Variants in BICRAL observed in about 807,000 individuals in gnomAD.
The protein encoded by BICRAL is BRD4-interacting chromatin-remodeling complex-associated protein-like.
Under a neutral mutation model 91.8 loss-of-function variants are expected in BICRAL, and 8 were observed. The ratio of observed to expected loss-of-function variants is 0.09; its 90% CI spans 0.05 to 0.16. The LOEUF (loss-of-function observed/expected upper bound fraction) is 0.16. Among genes scored for constraint, BICRAL ranks in the 10% least tolerant of loss-of-function variants. The probability of loss-of-function intolerance (pLI) is 1.00; values close to 1 mark genes in which losing one functional copy is unlikely to be tolerated. For synonymous variants in BICRAL, 445 were observed against 491.1 expected (o/e 0.91, Z 1.24); for missense variants, 1,038 against 1,310.9 (o/e 0.79, Z 3.21).
intron 1 of BICRAL, among the ~76,000 whole-genome samples, chr6:42,808,601 G>A (rs772401781): frequency 1.3e-4 from 20 of 152,190 alleles, no homozygotes; most frequent in Non-Finnish European, 2.9e-4. Context: ...GAGTTTGGGA[G>A]CTGGTTAAGT....
intron 9 of BICRAL, among the ~76,000 whole-genome samples, chr6:42,856,391 T>C (rs1263329248): frequency 4.5e-5 from 6 of 132,412 alleles, no homozygotes; most frequent in South Asian, 2.5e-4. Flanking sequence ...TTTTTTTTTT[T>C]TGAGACAGAG....
chr6:42,798,878 A>G (rs1763490396), intron 1 of BICRAL, among the ~76,000 whole-genome samples: 1 of 152,248 alleles, frequency 6.6e-6, no homozygotes, highest in Non-Finnish European at 1.5e-5. Flanking sequence ...TACAATATCT[A>G]ATACAATGTA....
intron 8 of BICRAL, among the ~76,000 whole-genome samples, chr6:42,855,571 A>G (rs1581635414): frequency 1.3e-5 from 2 of 151,726 alleles, no homozygotes; most frequent in African/African-American, 4.8e-5. Context: ...GATGATGATG[A>G]TGGTGCATTT....
chr6:42,849,328 C>T (rs1313162824), intron 6 of BICRAL, among the ~76,000 whole-genome samples: 2 of 152,150 alleles, frequency 1.3e-5, no homozygotes, highest in African/African-American at 4.8e-5. Flanking sequence ...TCAAGTGATC[C>T]TCCCACCTCA....
chr6:42,798,146 A>C (rs9367164), intron 1 of BICRAL, among the ~76,000 whole-genome samples: 1 of 151,416 alleles, frequency 6.6e-6, no homozygotes, highest in Non-Finnish European at 1.5e-5. Flanking sequence ...AATGGTACGC[A>C]TGGACATAAA....
intron 9 of BICRAL, among the ~76,000 whole-genome samples, chr6:42,856,547 G>T (rs967492846): frequency 6.6e-6 from 1 of 151,336 alleles, no homozygotes; most frequent in Non-Finnish European, 1.5e-5. Context: ...GCTAATTTTT[G>T]TATTTTTGTA....
At chr6:42,821,716 T>TTA in intron 2 of BICRAL, among the ~76,000 whole-genome samples, 1 of 152,208 alleles carries the variant, frequency 6.6e-6, no homozygotes, top group Non-Finnish European at 1.5e-5. Context: ...TGTTCATGGT[T>TTA]TATAGCCCCT....
intron 1 of BICRAL, among the ~76,000 whole-genome samples, chr6:42,788,868 C>T (rs1333385088): frequency 6.6e-6 from 1 of 152,068 alleles, no homozygotes; most frequent in Non-Finnish European, 1.5e-5. Context: ...AAGGTGAAAC[C>T]AGTCAGCTGA....
At chr6:42,833,604 T>C (rs1004467332) in intron 6 of BICRAL, among the ~76,000 whole-genome samples, 2 of 151,128 alleles carry the variant, frequency 1.3e-5, no homozygotes, top group South Asian at 2.1e-4. Flanking sequence ...CCTGCCACCA[T>C]ACCCTGCTAA....
chr6:42,821,330 G>A (rs1375510660), intron 2 of BICRAL: 5 of 152,442 alleles, frequency 3.3e-5, no homozygotes, highest in Admixed American at 6.5e-5. Flanking sequence ...GTGGGGGAGA[G>A]AGGGATCTCG....
At position 42,865,046 on chromosome 6, in the gene BICRAL, C is replaced by T. The variant is rs149708370; in HGVS notation, c.2840C>T (p.Ser947Leu). 33 of 1,614,058 alleles carry T rather than the reference C, an allele frequency of 2.0e-5. No homozygotes were observed. The highest frequency in any genetic ancestry group is 2.0e-4 in the African/African-American group (15 of 75,046). The change falls in exon 13 of 13, where the codon TCG becomes TTG. Residue 947 changes from serine to leucine, a missense_variant. Physicochemically the swap from Ser to Leu is moderately radical, Grantham distance 145. This residue lies in a region of BICRAL where 294 missense variants were observed against 292.6 expected (regional missense o/e 1.00). Transcript: ENST00000314073. Reference protein sequence around the residue: ...PEGHRKTSSRSDHGTESKLSS... With the variant: ...PEGHRKTSSRLDHGTESKLSS... ...GGGCACCGGAAAACCTCATCCAGAT[C>T]GGATCATGGTACTGAGAGCAAACTG... is the stretch of plus-strand genomic sequence containing the variant.
chr6:42,769,201 AG>A (rs1228256487), intron 1 of BICRAL, among the ~76,000 whole-genome samples: 1 of 152,210 alleles, frequency 6.6e-6, no homozygotes, highest in African/African-American at 2.4e-5. Context: ...TGTGAAGGGT[AG>A]GCTGGGGATG....
At chr6:42,845,612 T>C (rs1166552388) in intron 6 of BICRAL, among the ~76,000 whole-genome samples, 1 of 152,002 alleles carries the variant, frequency 6.6e-6, no homozygotes, top group African/African-American at 2.4e-5. Context: ...GCCTTTTAGC[T>C]CTCCTTCATT....
At chr6:42,769,457 G>A (rs1308042897) in intron 1 of BICRAL, among the ~76,000 whole-genome samples, 1 of 152,210 alleles carries the variant, frequency 6.6e-6, no homozygotes, top group African/African-American at 2.4e-5. Flanking sequence ...GAGGGAGGAT[G>A]CACAAAGGTG....
In BICRAL at chr6:42,808,663, A is replaced by G. The variant is rs576192375; in HGVS notation, c.-101-1643A>G. 1.6e-3 allele frequency among the ~76,000 whole-genome samples: 238 copies of G among 152,226 alleles called. 1 individual carries two copies. The highest frequency in any genetic ancestry group is 5.4e-3 in the African/African-American group (226 of 41,514). On this transcript the variant is annotated intron_variant, in intron 1 of 12. Coordinates refer to ENST00000314073, the MANE Select transcript of BICRAL (RefSeq NM_001393499.1). ...CAGTTGAGTAAGAATTGAGCTACTC[A>G]GCTGAAGGGTGTGTGTGGGGGAGAG...
intron 6 of BICRAL, among the ~76,000 whole-genome samples, chr6:42,846,153 C>T (rs1765003489): frequency 6.6e-6 from 1 of 150,556 alleles, no homozygotes; most frequent in South Asian, 2.1e-4. Flanking sequence ...GAGGCAGGCG[C>T]ATCACGAGGT....
At chr6:42,849,008 C>T (rs891367951) in intron 6 of BICRAL, among the ~76,000 whole-genome samples, 1 of 152,050 alleles carries the variant, frequency 6.6e-6, no homozygotes, top group Non-Finnish European at 1.5e-5. Flanking sequence ...TCACGTTGAC[C>T]CTTCCCCTTG....
chr6:42,761,455 T>A (rs60473672), intron 1 of BICRAL, among the ~76,000 whole-genome samples: 8,528 of 148,642 alleles, frequency 0.057, 627 homozygotes, highest in African/African-American at 0.19. Context: ...ATAAATAAAT[T>A]AATTAATTAA....
chr6:42,773,251 G>A (rs1762762313), intron 1 of BICRAL, among the ~76,000 whole-genome samples: 3 of 151,812 alleles, frequency 2.0e-5, no homozygotes, highest in Admixed American at 2.0e-4. Flanking sequence ...GCTAATTTTT[G>A]TATTTTTGTA....
Sources: allele counts gnomAD v4.1 joint callset (sites outside exome capture counted in the v4.1 genomes callset), GRCh38; gene constraint gnomAD v4.1.1; regional missense constraint gnomAD v4.1.1; transcripts MANE v1.5; gene names NCBI Gene and HGNC (gene_info 2026-07-23, HGNC 2026-07-21).